HIVEP3: variants seen among roughly 807,000 people sequenced by gnomAD.
HIVEP3 encodes transcription factor HIVEP3.
HIVEP3 carries 49 observed loss-of-function variants against 152.8 expected under a neutral mutation model. The observed-to-expected ratio is 0.32, with a 90% confidence interval of 0.26 to 0.41. The LOEUF (loss-of-function observed/expected upper bound fraction) is 0.41. Among genes scored for constraint, HIVEP3 ranks in the 10% least tolerant of loss-of-function variants. The pLI, the probability that HIVEP3 is intolerant of heterozygous loss-of-function variation, is 1.00. For synonymous variants in HIVEP3, 1,269 were observed against 1,289.0 expected (o/e 0.98, Z 0.33); for missense variants, 2,790 against 3,103.3 (o/e 0.90, Z 2.40).
At chr1:41,565,707 G>C (rs1208971752) in intron 5 of HIVEP3, among the ~76,000 whole-genome samples, 2 of 152,184 alleles carry the variant, frequency 1.3e-5, no homozygotes, top group Non-Finnish European at 2.9e-5. Context: ...CAGGCAGACA[G>C]TGTCCAGGAC....
chr1:41,758,470 T>C (rs1266580631), intron 1 of HIVEP3, among the ~76,000 whole-genome samples: 1 of 152,188 alleles, frequency 6.6e-6, no homozygotes, highest in Non-Finnish European at 1.5e-5. Flanking sequence ...TGGACCAAGG[T>C]AGTGGTTCCC....
At chr1:41,901,803 C>A (rs1177539608) in intron 1 of HIVEP3, among the ~76,000 whole-genome samples, 1 of 152,130 alleles carries the variant, frequency 6.6e-6, no homozygotes, top group Non-Finnish European at 1.5e-5. Context: ...ACTTGCTTAG[C>A]CCCACTCACT....
chr1:41,942,751 A>G (rs1374825622), intron 1 of HIVEP3, among the ~76,000 whole-genome samples: 1 of 152,204 alleles, frequency 6.6e-6, no homozygotes, highest in African/African-American at 2.4e-5. Flanking sequence ...AATTATATGA[A>G]TAATTCTCAG....
intron 3 of HIVEP3, among the ~76,000 whole-genome samples, chr1:41,586,081 G>T (rs1644501217): frequency 6.6e-6 from 1 of 152,232 alleles, no homozygotes; most frequent in South Asian, 2.1e-4. Context: ...TTGCCAGGAG[G>T]ATCATTCTGG....
In HIVEP3 at chr1:41,582,638, G is replaced by A. The variant is rs1182120744; in HGVS notation, c.2160C>T (p.Ser720=). The change falls in exon 4 of 9, where the codon AGC becomes AGT. Residue 720 remains serine (S), a synonymous_variant. Coordinates refer to ENST00000372583, the MANE Select transcript of HIVEP3 (RefSeq NM_024503.5). The surrounding 1 kb of genome is among the most constrained non-coding windows in gnomAD (Gnocchi z 4.7). ...TPLRKRRKEK[S]LGDEEEPPAF... is the part of the protein sequence containing the mutation. ...CAGGTGGCTCTTCCTCGTCCCCAAGGCTCTTCTCTTTCCTCCTCTTCCTCA... is the reference window on the plus strand; with the variant it reads ...CAGGTGGCTCTTCCTCGTCCCCAAGACTCTTCTCTTTCCTCCTCTTCCTCA... 1 of 1,613,944 alleles carries A rather than the reference G, an allele frequency of 6.2e-7. No individual in the cohort carries two copies. The highest frequency in any genetic ancestry group is 1.3e-5 in the African/African-American group (1 of 74,900).
At chr1:41,569,218 G>A (rs969086616) in intron 5 of HIVEP3, among the ~76,000 whole-genome samples, 1 of 152,144 alleles carries the variant, frequency 6.6e-6, no homozygotes, top group Non-Finnish European at 1.5e-5. Flanking sequence ...TTATAGCAAT[G>A]CAAGAACTGA....
intron 2 of HIVEP3, among the ~76,000 whole-genome samples, chr1:41,640,002 G>A (rs1374387532): frequency 6.6e-6 from 1 of 152,040 alleles, no homozygotes; most frequent in Non-Finnish European, 1.5e-5. Flanking sequence ...TTGTATGAAG[G>A]AGCAAAAAAG....
intron 1 of HIVEP3, among the ~76,000 whole-genome samples, chr1:41,794,954 G>T (rs1212781564): frequency 6.6e-6 from 1 of 152,186 alleles, no homozygotes; most frequent in Non-Finnish European, 1.5e-5. Flanking sequence ...TAGAGACAGG[G>T]TCTTGCTCTG....
At chr1:41,627,303 G>A (rs559756153) in intron 3 of HIVEP3, among the ~76,000 whole-genome samples, 2 of 152,240 alleles carry the variant, frequency 1.3e-5, no homozygotes, top group Non-Finnish European at 2.9e-5. Context: ...TGAGAAGGAT[G>A]AGGCAGAGTT....
At chr1:41,800,917 C>T (rs147572282) in intron 1 of HIVEP3, among the ~76,000 whole-genome samples, 1 of 152,308 alleles carries the variant, frequency 6.6e-6, no homozygotes, top group East Asian at 1.9e-4. Flanking sequence ...CGTTACCTGC[C>T]TACCTAAACT....
chr1:41,783,590 T>C (rs932275978), intron 1 of HIVEP3, among the ~76,000 whole-genome samples: 2 of 152,118 alleles, frequency 1.3e-5, no homozygotes, highest in African/African-American at 2.4e-5. Flanking sequence ...CACTAGATAC[T>C]CTGTGCTCCT....
chr1:41,845,419 G>GCACACACACACACACA (rs3032007), intron 1 of HIVEP3, among the ~76,000 whole-genome samples: 1 of 136,074 alleles, frequency 7.3e-6, no homozygotes, highest in African/African-American at 2.9e-5. Flanking sequence ...ACACACACAC[G>GCACACACACACACACA]CACACACACA....
intron 1 of HIVEP3, among the ~76,000 whole-genome samples, chr1:41,855,932 C>T (rs1002166605): frequency 1.3e-5 from 2 of 152,210 alleles, no homozygotes; most frequent in African/African-American, 4.8e-5. Context: ...GTCATACAGG[C>T]TGGAGTGCAG....
chr1:41,554,145 A>G (rs1317947979), intron 5 of HIVEP3, among the ~76,000 whole-genome samples: 1 of 152,204 alleles, frequency 6.6e-6, no homozygotes, highest in Non-Finnish European at 1.5e-5. Context: ...AATCAAATGT[A>G]GATTTGGTCT....
chr1:41,777,238 G>T (rs1024361595), intron 1 of HIVEP3, among the ~76,000 whole-genome samples: 4 of 152,322 alleles, frequency 2.6e-5, no homozygotes, highest in African/African-American at 7.2e-5. Context: ...AAGGAAAGGG[G>T]CTTCTCTATG....
intron 1 of HIVEP3, among the ~76,000 whole-genome samples, chr1:41,743,959 T>C (rs1321166252): frequency 6.6e-6 from 1 of 152,178 alleles, no homozygotes; most frequent in African/African-American, 2.4e-5. Context: ...TGTCAAAAAT[T>C]CTTCCATCCT....
At chr1:41,523,305 G>A (rs994537235) in intron 6 of HIVEP3, among the ~76,000 whole-genome samples, 8 of 152,204 alleles carry the variant, frequency 5.3e-5, no homozygotes, top group Admixed American at 5.2e-4. Flanking sequence ...TGGGTGGGGA[G>A]TCCTGGGCCA....
At chr1:41,808,272 TG>T (rs1384274038) in intron 1 of HIVEP3, among the ~76,000 whole-genome samples, 1 of 152,268 alleles carries the variant, frequency 6.6e-6, no homozygotes, top group Admixed American at 6.5e-5. Context: ...ACCACTCAGC[TG>T]GGTTGCCCCA....
rs1644481402 is a variant in HIVEP3 at position 41,584,906 on chromosome 1, G to C, written c.-109C>G. Reference sequence around the variant, plus strand: ...GTCCAGCTTTGGCCACATTGGTCAAGAGCTGTGGGAGCCAAACCCAAGACG... The same window carrying C: ...GTCCAGCTTTGGCCACATTGGTCAACAGCTGTGGGAGCCAAACCCAAGACG... On this transcript the variant is annotated 5_prime_UTR_variant, in exon 4 of 9. Coordinates refer to ENST00000372583, the MANE Select transcript of HIVEP3 (RefSeq NM_024503.5). This position sits in a 1 kb window ranked among gnomAD's most constrained non-coding sequence, Gnocchi z 5.2. The C allele has an allele frequency of 9.5e-7, 1 of 1,055,436 alleles. No homozygotes were observed. The highest frequency in any genetic ancestry group is 1.3e-6 in the Non-Finnish European group (1 of 778,722). The allele number at this position is 1,055,436 out of a possible 1,614,324, so 65.4% of individuals were successfully genotyped here. A position where few individuals can be genotyped will look rare whatever the true frequency, so the allele number is the denominator to read the frequency against.
Sources: allele counts gnomAD v4.1 joint callset (sites outside exome capture counted in the v4.1 genomes callset), GRCh38; gene constraint gnomAD v4.1.1; non-coding constraint Gnocchi (gnomAD v3.1); transcripts MANE v1.5; gene names NCBI Gene and HGNC (gene_info 2026-07-23, HGNC 2026-07-21).